The following ZP4 variants were observed in gnomAD, a reference collection of about 807,000 sequenced individuals.
ZP4 encodes zona pellucida sperm-binding protein 4.
ZP4 carries 62 observed loss-of-function variants against 62.3 expected under a neutral mutation model. The observed-to-expected ratio is 0.99, with a 90% CI of 0.81 to 1.23. The LOEUF is 1.23. Ranked by LOEUF, ZP4 falls within the 50% of genes most tolerant of loss-of-function variation. The pLI is 0.00. For missense variants in ZP4, 774 were observed against 656.0 expected, an observed-to-expected ratio of 1.18 and a Z score of -1.97; for synonymous variants, 289 against 247.3, an observed-to-expected ratio of 1.17 and a Z score of -1.58.
intron 5 of ZP4, among the ~76,000 whole-genome samples, chr1:237,887,150 T>C (rs986494248): frequency 6.6e-6 from 1 of 152,142 alleles, no homozygotes; most frequent in African/African-American, 2.4e-5. Flanking sequence ...GCACGGTAAA[T>C]GACAGCCCCT....
At chr1:237,889,315 A>ATTTT (rs11348205) in intron 3 of ZP4, among the ~76,000 whole-genome samples, 5 of 125,746 alleles carry the variant, frequency 4.0e-5, no homozygotes, top group African/African-American at 1.4e-4. Context: ...GATAGGTTGT[A>ATTTT]TTTTTTTTTT....
chr1:237,884,039 CACAAACACACACAAACACACACAA>C (rs1558531239), intron 10 of ZP4, among the ~76,000 whole-genome samples: 2 of 118,484 alleles, frequency 1.7e-5, no homozygotes, highest in African/African-American at 9.0e-5. Context: ...CACAAACACA[CACAAACACACACAAACACACACAA>C]ACACACACAA....
At position 237,885,570 on chromosome 1, in the gene ZP4, A is replaced by AT. The variant is rs779482100; in HGVS notation, c.980dup (p.Tyr327Ter). ...LELQIAKDKN[Y>*]GSYYGVGDYP... Reference sequence around the variant, plus strand: ...AGTCACCAACACCGTAGTAAGAGCCATAGTTTTTATCTGCAAGAGGCAGAA... The same window carrying AT: ...AGTCACCAACACCGTAGTAAGAGCCATTAGTTTTTATCTGCAAGAGGCAGAA... Residue 327 changes from tyrosine to a stop codon, truncating the protein, a stop_gained and frameshift_variant, in exon 8 of 12, where the codon TAT (tyrosine) becomes TAAT (stop). Transcript: ENST00000366570. LOFTEE classifies it high-confidence loss of function. 1 of 1,613,156 alleles carries AT rather than the reference A, an allele frequency of 6.2e-7. No individual in the cohort carries two copies. The highest frequency in any genetic ancestry group is 2.2e-5 in the East Asian group (1 of 44,872).
chr1:237,887,220 G>A (rs1481978352), intron 5 of ZP4, among the ~76,000 whole-genome samples, 154 bp downstream of exon 5: 2 of 152,030 alleles, frequency 1.3e-5, no homozygotes, highest in African/African-American at 4.8e-5. Flanking sequence ...AACTTTTTCA[G>A]TGATGAGGCA....
At position 237,887,569 on chromosome 1, in the gene ZP4, A is replaced by G. The variant is rs1399542199; in HGVS notation, c.554-8T>C. 1 of 1,612,278 alleles carries G rather than the reference A, an allele frequency of 6.2e-7. No individual in the cohort carries two copies. Among genetic ancestry groups the G allele is most frequent in the Non-Finnish European group, 8.5e-7 (1 of 1,179,092 alleles). ...GGGTACAATGCAAGGTCACTGAAAC[A>G]GAGCAGCTGTGCTGAAGGCAGGTCA... On this transcript the variant is annotated splice_polypyrimidine_tract_variant and splice_region_variant and intron_variant, in intron 4 of 11. Transcript: ENST00000366570.
chr1:237,890,683 C>T lies in ZP4; in HGVS notation c.-48G>A, dbSNP rs1407081064. On this transcript the variant is annotated 5_prime_UTR_variant, in exon 1 of 12. Transcript: ENST00000366570. ...GGCTGCAGACTCTCCGCCTCCTCTC[C>T]CAAGAGCCGAGGGTCTGCCTGCCCA... The T allele has an allele frequency of 1.2e-5, 19 of 1,578,104 alleles. No individual in the cohort carries two copies. The highest frequency in any genetic ancestry group is 1.8e-5 in the Admixed American group (1 of 55,992).
rs1452301551 is a variant in ZP4, at chr1:237,885,600, G to A, written c.971-20C>T. On this transcript the variant is annotated intron_variant, in intron 7 of 11. Coordinates refer to ENST00000366570, the MANE Select transcript of ZP4 (RefSeq NM_021186.5). ...TTTTATCTGCAAGAGGCAGAAATAAGGATTTGAAGTAGTAATCTCTCAGTG... is the reference window on the plus strand; with the variant it reads ...TTTTATCTGCAAGAGGCAGAAATAAAGATTTGAAGTAGTAATCTCTCAGTG... 1 of 1,609,724 alleles carries A rather than the reference G, an allele frequency of 6.2e-7. No homozygotes were observed. The highest frequency in any genetic ancestry group is 8.5e-7 in the Non-Finnish European group (1 of 1,178,096).
chr1:237,885,137 G>A (rs759274000), intron 9 of ZP4, 28 bp downstream of exon 9: 3 of 1,608,760 alleles, frequency 1.9e-6, no homozygotes, highest in Non-Finnish European at 2.5e-6. Flanking sequence ...CAGAGCCCTG[G>A]TGAGTGTCAT....
In ZP4 at chr1:237,884,827, C is replaced by T; in HGVS notation, c.1332G>A (p.Val444=). The change falls in exon 10 of 12, where the codon GTG becomes GTA. Residue 444 remains valine (V), a synonymous_variant. Transcript: ENST00000366570. Reference sequence around the variant, plus strand: ...GTGTCTCAGCAGGCTGGCAGACTGACACGCTGCAGTGCAGATGCACCTGGG... The same window carrying T: ...GTGTCTCAGCAGGCTGGCAGACTGATACGCTGCAGTGCAGATGCACCTGGG... ...LRGPVHLHCS[V]SVCQPAETPS... is the part of the protein sequence containing the mutation. The T allele has an allele frequency of 1.2e-6, 2 of 1,613,626 alleles. No homozygotes were observed. The highest frequency in any genetic ancestry group is 1.7e-6 in the Non-Finnish European group (2 of 1,179,812).
At chr1:237,883,813 G>C (rs960802099) in intron 10 of ZP4, among the ~76,000 whole-genome samples, 3 of 109,254 alleles carry the variant, frequency 2.7e-5, no homozygotes, top group African/African-American at 8.6e-5. Flanking sequence ...AAGAGAGGGA[G>C]AAAGGCTGGG....
chr1:237,885,542 G>C lies in ZP4; in HGVS notation c.1009C>G (p.Pro337Ala). ...YGSYYGVGDY[P>A]VVKLLRDPIY... ...GGATCCCGAAGCAACTTCACCACTGGGTAGTCACCAACACCGTAGTAAGAG... is the reference window on the plus strand; with the variant it reads ...GGATCCCGAAGCAACTTCACCACTGCGTAGTCACCAACACCGTAGTAAGAG... Residue 337 changes from proline (P) to alanine (A), a missense_variant, in exon 8 of 12, where the codon CCA becomes GCA. Physicochemically the swap from Pro to Ala is conservative, Grantham distance 27. Transcript: ENST00000366570. 2 of 1,614,088 alleles carry C rather than the reference G, an allele frequency of 1.2e-6. No individual in the cohort carries two copies. Among genetic ancestry groups the C allele is most frequent in the Non-Finnish European group, 8.5e-7 (1 of 1,180,006 alleles).
chr1:237,886,686 G>T, intron 6 of ZP4, 85 bp downstream of exon 6: 1 of 1,133,610 alleles, frequency 8.8e-7, no homozygotes, highest in Non-Finnish European at 1.3e-6. Flanking sequence ...TCCTATTGCT[G>T]AGGAATGCTC....
At chr1:237,884,025 C>CACAA (rs1665029507) in intron 10 of ZP4, among the ~76,000 whole-genome samples, 1 of 101,450 alleles carries the variant, frequency 9.9e-6, no homozygotes, top group Non-Finnish European at 2.0e-5. Context: ...CAAACACACA[C>CACAA]ACACACAAAC....
intron 10 of ZP4, among the ~76,000 whole-genome samples, chr1:237,883,597 C>T (rs1013123686): frequency 3.0e-5 from 4 of 135,472 alleles, no homozygotes; most frequent in Non-Finnish European, 4.7e-5. Flanking sequence ...GCCTGTAATC[C>T]CAGCTACTCA....
At position 237,882,490 on chromosome 1, in the gene ZP4, C is replaced by G; in HGVS notation, c.1555G>C (p.Gly519Arg). ...VAGLSGTLIL[G>R]ALLVSYLAVK... is the part of the protein sequence containing the mutation. ...GCCAAGTAGGATACTAACAAGGCTC[C>G]AAGGATTAAGGTCCCAGAAAGGCCT... Residue 519 changes from glycine (G) to arginine (R), a missense_variant, in exon 12 of 12, where the codon GGA becomes CGA. Gly to Arg is a moderately radical substitution (Grantham distance 125). Transcript: ENST00000366570. 1 of 1,609,846 alleles carries G rather than the reference C, an allele frequency of 6.2e-7. No individual in the cohort carries two copies. The highest frequency in any genetic ancestry group is 1.1e-5 in the South Asian group (1 of 90,420).
intron 3 of ZP4, 22 bp from the exon 4 acceptor site, chr1:237,888,532 G>T: frequency 6.3e-7 from 1 of 1,577,000 alleles, no homozygotes; most frequent in South Asian, 1.1e-5. Flanking sequence ...AAAAGAGTAA[G>T]TCAGGTTAGA....
intron 10 of ZP4, among the ~76,000 whole-genome samples, chr1:237,883,629 GGGGAGGGGGA>G (rs1558529839): frequency 0.013 from 69 of 5,288 alleles, 2 homozygotes; most frequent in Non-Finnish European, 0.021. Flanking sequence ...TGGGAGAGAG[GGGGAGGGGGA>G]GGGCGGGGGA....
At position 237,888,421 on chromosome 1, in the gene ZP4, A is replaced by T. The variant is rs759523795; in HGVS notation, c.490T>A (p.Cys164Ser). The T allele has an allele frequency of 1.2e-6, 2 of 1,611,516 alleles. No individual in the cohort carries two copies. The highest frequency in any genetic ancestry group is 4.5e-5 in the East Asian group (2 of 44,806). The change falls in exon 4 of 12, where the codon TGT (cysteine) becomes AGT (serine). Residue 164 changes from cysteine to serine, a missense_variant. Cys to Ser is a moderately radical substitution (Grantham distance 112, BLOSUM62 -1). Transcript: ENST00000366570. ...CTATAACAACAGCCTAGCCCTTCAC[A>T]GTCTCCTCGAGAGATGGGTGAAGGT... ...CAPSPISRGD[C>S]EGLGCCYSSE...
At chr1:237,888,060 C>G (rs184463530) in intron 4 of ZP4, among the ~76,000 whole-genome samples, 1 of 152,208 alleles carries the variant, frequency 6.6e-6, no homozygotes, top group Non-Finnish European at 1.5e-5. Flanking sequence ...CTAAACAATC[C>G]AAGACCATCA....
Sources: gnomAD v4.1 joint callset for allele counts (sites outside exome capture counted in the v4.1 genomes callset) on GRCh38, gnomAD v4.1.1 for gene constraint, MANE v1.5 for transcripts, NCBI Gene and HGNC (gene_info 2026-07-23, HGNC 2026-07-21) for gene names.